The following ADPRHL1 variants were observed in gnomAD, a reference collection of about 807,000 sequenced individuals.
ADPRHL1 encodes ADP-ribosylhydrolase like 1.
In ADPRHL1, 43 loss-of-function variants were observed where a neutral mutation model predicts 44.1. That is an observed-to-expected ratio of 0.98 (90% CI 0.76 to 1.26). The LOEUF is 1.26. Among genes scored for constraint, ADPRHL1 ranks in the 50% most tolerant of loss-of-function variants. The probability of loss-of-function intolerance (pLI) is 0.00; values close to 1 mark genes in which losing one functional copy is unlikely to be tolerated. For missense variants in ADPRHL1, 2,022 were observed against 2,496.9 expected, an observed-to-expected ratio of 0.81 and a Z score of 4.05; for synonymous variants, 878 against 1,017.4, an observed-to-expected ratio of 0.86 and a Z score of 2.61.
In ADPRHL1 at chr13:113,409,991, A is replaced by G. The variant is rs560727718; in HGVS notation, c.1062-1771T>C. 3.0e-6 allele frequency: 3 copies of G among 985,270 alleles called. No homozygotes were observed. The African/African-American group carries it at 5.2e-5, about 17-fold the overall frequency. The allele number at this position is 985,270 out of a possible 1,614,324, so 61.0% of individuals were successfully genotyped here. A position where few individuals can be genotyped will look rare whatever the true frequency, so the allele number is the denominator to read the frequency against. On this transcript the variant is annotated intron_variant, in intron 7 of 7. Coordinates refer to ENST00000612156, the MANE Select transcript of ADPRHL1 (RefSeq NM_001394807.1). This position sits in a 1 kb window ranked among gnomAD's most constrained non-coding sequence, Gnocchi z 4.2. Reference sequence around the variant, plus strand: ...TTTTTGTGTTTGTCTGCATTTTTCCAAAAGAGAGAGCTCTGTTTTGAAGCC... The same window carrying G: ...TTTTTGTGTTTGTCTGCATTTTTCCGAAAGAGAGAGCTCTGTTTTGAAGCC...
chr13:113,432,954 G>A (rs2044017449), intron 3 of ADPRHL1, among the ~76,000 whole-genome samples: 1 of 152,202 alleles, frequency 6.6e-6, no homozygotes, highest in African/African-American at 2.4e-5. Context: ...CCTAGAGTCA[G>A]GCGCTACCGC....
At chr13:113,408,247 A>T in intron 7 of ADPRHL1, 27 bp from the exon 8 acceptor site, 1 of 1,231,750 alleles carries the variant, frequency 8.1e-7, no homozygotes, top group South Asian at 4.1e-5. Context: ...ATCATCACCT[A>T]CTTCATCATC....
At chr13:113,444,789 AT>A (rs923946084) in intron 1 of ADPRHL1, among the ~76,000 whole-genome samples, 200 bp from the exon 2 acceptor site, 1 of 152,088 alleles carries the variant, frequency 6.6e-6, no homozygotes, top group African/African-American at 2.4e-5. Flanking sequence ...CGCCCGGCTA[AT>A]TTTTTTGTAT....
intron 3 of ADPRHL1, 87 bp downstream of exon 3, chr13:113,433,655 C>T (rs2044023178): frequency 6.9e-7 from 1 of 1,457,680 alleles, no homozygotes; most frequent in Admixed American, 2.3e-5. Flanking sequence ...CCCCCGCCCC[C>T]CACCCCACAC....
intron 4 of ADPRHL1, 60 bp from the exon 5 acceptor site, chr13:113,425,239 A>T: frequency 1.1e-5 from 1 of 87,846 alleles, no homozygotes; most frequent in South Asian, 1.7e-4. Flanking sequence ...GGGCGGGTGC[A>T]GGGAGTTGGG....
chr13:113,450,819 T>C (rs765152259), intron 1 of ADPRHL1, among the ~76,000 whole-genome samples: 132 of 151,872 alleles, frequency 8.7e-4, no homozygotes, highest in African/African-American at 1.7e-3. Context: ...AGACTAGGAG[T>C]GTGACCACTG....
At position 113,453,101 on chromosome 13, in the gene ADPRHL1, T is replaced by C; in HGVS notation, c.214+123A>G. On this transcript the variant is annotated intron_variant, in intron 1 of 7. Transcript: ENST00000612156. The surrounding 1 kb of genome is among the most constrained non-coding windows in gnomAD (Gnocchi z 5.4). Reference sequence around the variant, plus strand: ...TAAATTGCCACTTTTAGCAGCGGTATCAGGTAACACCATCCGCTGAAGGAC... The same window carrying C: ...TAAATTGCCACTTTTAGCAGCGGTACCAGGTAACACCATCCGCTGAAGGAC... The C allele has an allele frequency of 9.9e-7, 1 of 1,006,128 alleles. No homozygotes were observed. The highest frequency in any genetic ancestry group is 1.5e-6 in the Non-Finnish European group (1 of 682,918). 62.3% of individuals were successfully genotyped at this position (1,006,128 alleles called of 1,614,324 possible).
chr13:113,422,407 A>T (rs917904551), intron 7 of ADPRHL1: 2 of 176,386 alleles, frequency 1.1e-5, no homozygotes, highest in Non-Finnish European at 2.4e-5. Context: ...GGGGAAACGC[A>T]TGCCTGGAGG....
intron 2 of ADPRHL1, among the ~76,000 whole-genome samples, chr13:113,443,223 A>G (rs2044111138): frequency 6.6e-6 from 1 of 152,064 alleles, no homozygotes; most frequent in South Asian, 2.1e-4. Flanking sequence ...AGTCCTGGAT[A>G]TTTTTATATT....
chr13:113,420,404 G>A (rs1299220433), intron 7 of ADPRHL1, among the ~76,000 whole-genome samples: 3 of 149,820 alleles, frequency 2.0e-5, no homozygotes, highest in Non-Finnish European at 3.0e-5. Flanking sequence ...GAATGCAGCC[G>A]CGCCCTGCTC....
At chr13:113,444,646 C>T in intron 1 of ADPRHL1, 57 bp from the exon 2 acceptor site, 3 of 1,575,182 alleles carry the variant, frequency 1.9e-6, no homozygotes, top group South Asian at 2.3e-5. Context: ...ACTGTGGCCT[C>T]CCTCCCGCGG....
intron 7 of ADPRHL1, among the ~76,000 whole-genome samples, chr13:113,419,299 TAGAGATGGG>T (rs2043904290): frequency 7.3e-6 from 1 of 137,198 alleles, no homozygotes; most frequent in African/African-American, 2.8e-5. Context: ...TTTTTTTTTG[TAGAGATGGG>T]GTTTTGCCAT....
At chr13:113,417,134 C>A (rs2043891000) in intron 7 of ADPRHL1, among the ~76,000 whole-genome samples, 1 of 152,208 alleles carries the variant, frequency 6.6e-6, no homozygotes, top group Non-Finnish European at 1.5e-5. Context: ...CGATGCTTTG[C>A]GGAACCCCGG....
At position 113,405,278 on chromosome 13, in the gene ADPRHL1, G is replaced by A. The variant is rs2043799184; in HGVS notation, c.4004C>T (p.Pro1335Leu). The A allele has an allele frequency of 3.2e-6, 4 of 1,231,936 alleles. No individual in the cohort carries two copies. Among genetic ancestry groups the A allele is most frequent in the Non-Finnish European group, 4.0e-6 (4 of 988,132 alleles). 76.3% of individuals were successfully genotyped at this position (1,231,936 alleles called of 1,614,324 possible). The change falls in exon 8 of 8, where the codon CCT (proline) becomes CTT (leucine). Residue 1335 changes from proline to leucine, a missense_variant. By Grantham distance (98) the Pro-to-Leu change is moderately conservative (BLOSUM62 -3). Coordinates refer to ENST00000612156, the MANE Select transcript of ADPRHL1 (RefSeq NM_001394807.1). ...GGGCAGGTGTGCCTGTAGATGGGGA[G>A]GGCCCCGCTGGTGGGTGCCACCTAC... ...GWVGGTHQRG[P>L]PHLQAHLPPT...
intron 7 of ADPRHL1, among the ~76,000 whole-genome samples, chr13:113,408,656 A>G (rs561607163): frequency 3.5e-4 from 54 of 152,360 alleles, no homozygotes; most frequent in African/African-American, 1.2e-3. Context: ...ACCTTTAAGT[A>G]TGAAAGATAA....
Position 113,439,371 on chromosome 13 carries a change from C to T in ADPRHL1, c.379+5054G>A, listed in dbSNP as rs144955803. Among the ~76,000 whole-genome samples the T allele has an allele frequency of 1.9e-3, 288 of 152,130 alleles. 1 individual carries two copies. Among genetic ancestry groups the T allele is most frequent in the Middle Eastern group, 6.8e-3 (2 of 294 alleles). ...CTCCTGACCTCAGGTGATCTGCCGG[C>T]CTTGGCCTCCCAAAGTACTGGGATC... On this transcript the variant is annotated intron_variant, in intron 2 of 7. Transcript: ENST00000612156.
At chr13:113,434,112 G>C (rs961035431) in intron 2 of ADPRHL1, among the ~76,000 whole-genome samples, 56 of 152,222 alleles carry the variant, frequency 3.7e-4, no homozygotes, top group Admixed American at 3.7e-3. Flanking sequence ...TGATGGCCTG[G>C]AGATATGCTC....
chr13:113,412,344 A>C (rs2043858191), intron 7 of ADPRHL1, among the ~76,000 whole-genome samples: 1 of 151,980 alleles, frequency 6.6e-6, no homozygotes, highest in Non-Finnish European at 1.5e-5. Context: ...CGCCCGGCTA[A>C]TTTTTTGTAT....
rs550992027 is a variant in ADPRHL1, at chr13:113,441,767, C to T, written c.379+2658G>A. On this transcript the variant is annotated intron_variant, in intron 2 of 7. Transcript: ENST00000612156. The surrounding 1 kb of genome is among the most constrained non-coding windows in gnomAD (Gnocchi z 6.0). ...TTGGGTCCGTGTCTCTATCATGCTC[C>T]GCCCCGCCGTGTGGGTCTGTGTCTC... 5.9e-5 allele frequency among the ~76,000 whole-genome samples: 9 copies of T among 151,710 alleles called. No individual in the cohort carries two copies. Among genetic ancestry groups the T allele is most frequent in the South Asian group, 4.2e-4 (2 of 4,790 alleles).
Sources: allele counts gnomAD v4.1 joint callset (sites outside exome capture counted in the v4.1 genomes callset), GRCh38; gene constraint gnomAD v4.1.1; non-coding constraint Gnocchi (gnomAD v3.1); transcripts MANE v1.5; gene names NCBI Gene and HGNC (gene_info 2026-07-23, HGNC 2026-07-21).